Variants in CREB3L2 observed in about 807,000 individuals in gnomAD.
The protein encoded by CREB3L2 is cyclic AMP-responsive element-binding protein 3-like protein 2.
In CREB3L2, 23 loss-of-function variants were observed where a neutral mutation model predicts 57.2. That is an observed-to-expected ratio of 0.40 (90% CI 0.29 to 0.57). CREB3L2 has a LOEUF of 0.57. Ranked by LOEUF, CREB3L2 falls within the 20% of genes least tolerant of loss-of-function variation. The pLI is 0.42. For missense variants in CREB3L2, 628 were observed against 634.7 expected (o/e 0.99, Z 0.11); for synonymous variants, 268 against 265.1 (o/e 1.01, Z -0.11).
chr7:137,905,852 T>G lies in CREB3L2; in HGVS notation c.769-4A>C. On this transcript the variant is annotated splice_polypyrimidine_tract_variant and splice_region_variant and intron_variant, in intron 5 of 11. Transcript: ENST00000330387. ...GAGGGCCTGATCCCTGCAGTTTCTG[T>G]GCAGACCAAGGAGCAGAAAAGGGTC... 1 of 1,605,076 alleles carries G rather than the reference T, an allele frequency of 6.2e-7. No homozygotes were observed.
intron 1 of CREB3L2, among the ~76,000 whole-genome samples, chr7:137,940,016 C>A (rs1464169071): frequency 6.6e-6 from 1 of 152,206 alleles, no homozygotes; most frequent in Non-Finnish European, 1.5e-5. Flanking sequence ...AGATACTCTT[C>A]CTAATTGGTG....
chr7:137,915,111 C>T (rs1800099148), intron 3 of CREB3L2, among the ~76,000 whole-genome samples: 1 of 152,108 alleles, frequency 6.6e-6, no homozygotes. Flanking sequence ...AAGCTTTGAA[C>T]TTAAGGGAAG....
At chr7:137,922,453 T>TATATATATATGTATATATATATATATAC (rs1554498063) in intron 2 of CREB3L2, 2 of 72,584 alleles carry the variant, frequency 2.8e-5, no homozygotes, top group African/African-American at 1.3e-4. Context: ...TATATATATA[T>TATATATATATGTATATATATATATATAC]ACACACATAT....
chr7:137,923,851 T>C (rs910603730), intron 2 of CREB3L2, among the ~76,000 whole-genome samples: 1 of 152,202 alleles, frequency 6.6e-6, no homozygotes, highest in South Asian at 2.1e-4. Context: ...TGTTCTCGCA[T>C]GGCAGCCATA....
At chr7:137,993,031 C>A (rs776067539) in intron 1 of CREB3L2, among the ~76,000 whole-genome samples, 2 of 152,122 alleles carry the variant, frequency 1.3e-5, no homozygotes, top group Non-Finnish European at 2.9e-5. Flanking sequence ...GTGTTCAAGG[C>A]AGAGGCCTGT....
intron 10 of CREB3L2, among the ~76,000 whole-genome samples, chr7:137,884,071 T>C (rs1336777274): frequency 2.0e-5 from 3 of 152,206 alleles, no homozygotes; most frequent in South Asian, 4.1e-4. Flanking sequence ...AGTGGCACGA[T>C]CTCGGCTCAC....
rs1801689782 is a variant in CREB3L2 at position 137,980,228 on chromosome 7, GAGCTTTTAAAAT to G, written c.102+21364_102+21375del. On this transcript the variant is annotated intron_variant, in intron 1 of 11. Coordinates refer to ENST00000330387, the MANE Select transcript of CREB3L2 (RefSeq NM_194071.4). This position sits in a 1 kb window ranked among gnomAD's most constrained non-coding sequence, Gnocchi z 4.3. ...CGGTTTCACTTTGGAAGCACTGGGA[GAGCTTTTAAAAT>G]GCCTGATGCCCAGGCCTCATCCCAG... Among the ~76,000 whole-genome samples, 1 of 152,176 alleles carries G rather than the reference GAGCTTTTAAAAT, an allele frequency of 6.6e-6. No individual in the cohort carries two copies. Among genetic ancestry groups the G allele is most frequent in the African/African-American group, 2.4e-5 (1 of 41,444 alleles).
At chr7:137,993,095 G>A (rs563713564) in intron 1 of CREB3L2, among the ~76,000 whole-genome samples, 5 of 152,316 alleles carry the variant, frequency 3.3e-5, no homozygotes, top group Admixed American at 1.3e-4. Context: ...ATGCATGAGA[G>A]AGAATAATGA....
chr7:137,960,489 G>T (rs917259174), intron 1 of CREB3L2, among the ~76,000 whole-genome samples: 1 of 152,140 alleles, frequency 6.6e-6, no homozygotes, highest in African/African-American at 2.4e-5. Context: ...CGTCAAAAGA[G>T]AATATTAGTG....
intron 2 of CREB3L2, 26 bp from the exon 3 acceptor site, chr7:137,916,038 T>C (rs774259368): frequency 4.1e-5 from 66 of 1,598,786 alleles, no homozygotes; most frequent in Admixed American, 5.2e-5. Flanking sequence ...CAAGCACACA[T>C]GTGAACTTGT....
chr7:137,952,398 C>T (rs1272441207), intron 1 of CREB3L2, among the ~76,000 whole-genome samples: 1 of 152,194 alleles, frequency 6.6e-6, no homozygotes, highest in Non-Finnish European at 1.5e-5. Flanking sequence ...GAGAGGATAT[C>T]CCCGCCCAGC....
intron 1 of CREB3L2, among the ~76,000 whole-genome samples, chr7:137,950,716 G>A (rs954646322): frequency 2.6e-5 from 4 of 152,030 alleles, no homozygotes; most frequent in Non-Finnish European, 4.4e-5. Context: ...AAACTGTGTC[G>A]TTGTAAGGTG....
chr7:137,922,457 CACATATATATAT>C (rs1800345909), intron 2 of CREB3L2: 1 of 115,420 alleles, frequency 8.7e-6, no homozygotes, highest in African/African-American at 4.3e-5. Context: ...TATATATACA[CACATATATATAT>C]ACACACATAT....
intron 1 of CREB3L2, chr7:137,953,354 G>T (rs555959055): frequency 3.9e-5 from 24 of 621,308 alleles, no homozygotes; most frequent in Non-Finnish European, 5.9e-5. Context: ...CCTTCCTTAT[G>T]ACCAAATTAC....
intron 1 of CREB3L2, among the ~76,000 whole-genome samples, chr7:137,952,406 A>G (rs1028905486): frequency 3.3e-5 from 5 of 152,194 alleles, no homozygotes; most frequent in African/African-American, 4.8e-5. Flanking sequence ...ATCCCCGCCC[A>G]GCCCTCAGGC....
chr7:137,964,089 C>T (rs930133333), intron 1 of CREB3L2, among the ~76,000 whole-genome samples: 22 of 151,908 alleles, frequency 1.4e-4, no homozygotes, highest in Middle Eastern at 6.8e-3. Context: ...TCGTGGCGGG[C>T]GGATCACCTG....
At chr7:137,951,645 G>A (rs1156868671) in intron 1 of CREB3L2, among the ~76,000 whole-genome samples, 1 of 152,170 alleles carries the variant, frequency 6.6e-6, no homozygotes, top group Non-Finnish European at 1.5e-5. Flanking sequence ...AAAGGGCAAT[G>A]TATTAACTAT....
chr7:137,946,203 T>C (rs1404379507), intron 1 of CREB3L2, among the ~76,000 whole-genome samples: 3 of 152,128 alleles, frequency 2.0e-5, no homozygotes, highest in Non-Finnish European at 2.9e-5. Context: ...CATGTGATTA[T>C]GACAGATGGC....
chr7:137,916,085 A>G, intron 2 of CREB3L2, 73 bp from the exon 3 acceptor site: 1 of 1,261,570 alleles, frequency 7.9e-7, no homozygotes, highest in Non-Finnish European at 1.1e-6. Flanking sequence ...AGCGACCACT[A>G]GTCTTTCTCC....
Sources: gnomAD v4.1 joint callset for allele counts (sites outside exome capture counted in the v4.1 genomes callset) on GRCh38, gnomAD v4.1.1 for gene constraint, Gnocchi (gnomAD v3.1) non-coding constraint, MANE v1.5 for transcripts, NCBI Gene and HGNC (gene_info 2026-07-23, HGNC 2026-07-21) for gene names.